The following DPP8 variants were observed in gnomAD, a reference collection of about 807,000 sequenced individuals.
The protein encoded by DPP8 is dipeptidyl peptidase 8, also known as DPP VIII.
DPP8 carries 31 observed loss-of-function variants against 107.5 expected under a neutral mutation model. The observed-to-expected ratio is 0.29, with a 90% CI of 0.22 to 0.39. DPP8 has a LOEUF of 0.39. Among genes scored for constraint, DPP8 ranks in the 10% least tolerant of loss-of-function variants. DPP8 has a pLI of 1.00. For missense variants in DPP8, 842 were observed against 1,076.1 expected, an observed-to-expected ratio of 0.78 and a Z score of 3.04; for synonymous variants, 381 against 356.6, an observed-to-expected ratio of 1.07 and a Z score of -0.77.
intron 19 of DPP8, among the ~76,000 whole-genome samples, chr15:65,448,865 A>AATATATATATATGTGT: frequency 1.9e-5 from 1 of 53,314 alleles, no homozygotes; most frequent in South Asian, 5.4e-4. Flanking sequence ...ATATATCTAA[A>AATATATATATATGTGT]ATATATATAT....
intron 5 of DPP8, among the ~76,000 whole-genome samples, chr15:65,494,425 A>G (rs2068368815): frequency 1.3e-5 from 2 of 151,720 alleles, no homozygotes; most frequent in African/African-American, 2.4e-5. Flanking sequence ...GTCTCCCTAC[A>G]TTGCCCAGGC....
intron 12 of DPP8, among the ~76,000 whole-genome samples, chr15:65,468,192 TCAAA>T (rs1444033381): frequency 2.0e-5 from 3 of 152,190 alleles, no homozygotes; most frequent in Non-Finnish European, 4.4e-5. Flanking sequence ...ACCAGCCAAC[TCAAA>T]CAATGTTTAA....
Position 65,500,715 on chromosome 15 carries a change from C to G in DPP8, c.437G>C (p.Gly146Ala). ...EELLRERKRI[G>A]TVGIASYDYH... ...ATCGTAAGAAGCAATTCCGACTGTT[C>G]CAATGCGTTTTCTTTCTCTTAATAG... is the stretch of plus-strand genomic sequence containing the variant. Residue 146 changes from glycine to alanine, a missense_variant, in exon 4 of 20, where the codon GGA becomes GCA. Physicochemically the swap from Gly to Ala is moderately conservative, Grantham distance 60 (BLOSUM62 0). This residue lies in a region of DPP8 where 663 missense variants were observed against 758.0 expected (regional missense o/e 0.87). Transcript: ENST00000300141. 1 of 1,613,880 alleles carries G rather than the reference C, an allele frequency of 6.2e-7. No homozygotes were observed. The highest frequency in any genetic ancestry group is 8.5e-7 in the Non-Finnish European group (1 of 1,179,834).
At chr15:65,481,798 T>A (rs1307794546) in intron 8 of DPP8, among the ~76,000 whole-genome samples, 183 bp from the exon 9 acceptor site, 1 of 152,084 alleles carries the variant, frequency 6.6e-6, no homozygotes, top group Non-Finnish European at 1.5e-5. Flanking sequence ...GGTACTTAAT[T>A]TCTGTGCCTA....
chr15:65,461,907 T>G (rs1212637127), intron 15 of DPP8, among the ~76,000 whole-genome samples: 1 of 149,588 alleles, frequency 6.7e-6, no homozygotes, highest in Non-Finnish European at 1.5e-5. Flanking sequence ...CCGACCGTTT[T>G]TTTTTTTTTA....
intron 5 of DPP8, among the ~76,000 whole-genome samples, chr15:65,496,564 TAATTA>T (rs1467187749): frequency 2.6e-5 from 4 of 152,232 alleles, no homozygotes; most frequent in Non-Finnish European, 5.9e-5. Flanking sequence ...CAATAAAACT[TAATTA>T]AATATTCCCA....
Position 65,443,834 on chromosome 15 carries a change from ATGAC to A in DPP8, c.*3046_*3049del, listed in dbSNP as rs1271197003. 1 of 152,222 alleles carries A rather than the reference ATGAC, an allele frequency of 6.6e-6. No individual in the cohort carries two copies. Among genetic ancestry groups the A allele is most frequent in the African/African-American group, 2.4e-5 (1 of 41,456 alleles). The allele number at this position is 152,222 out of a possible 1,614,324, so 9.4% of individuals were successfully genotyped here. A position where few individuals can be genotyped will look rare whatever the true frequency, so the allele number is the denominator to read the frequency against. ...AAGAGTTTCTTAAAGTAGTCCACAG[ATGAC>A]TTACTATAGGATCGCCTGGAAAGCT... On this transcript the variant is annotated 3_prime_UTR_variant, in exon 20 of 20. Transcript: ENST00000300141.
At chr15:65,472,596 G>A (rs972815623) in intron 12 of DPP8, among the ~76,000 whole-genome samples, 8 of 152,118 alleles carry the variant, frequency 5.3e-5, no homozygotes, top group Admixed American at 2.6e-4. Context: ...ACTGTGCCCA[G>A]CCAGTAAACG....
chr15:65,516,606 A>G (rs2071470264), intron 1 of DPP8: 1 of 152,226 alleles, frequency 6.6e-6, no homozygotes, highest in Non-Finnish European at 1.5e-5. Flanking sequence ...AGATGTCAAG[A>G]CACCTCATAG....
At chr15:65,501,902 T>A (rs1256038207) in intron 3 of DPP8, among the ~76,000 whole-genome samples, 1 of 152,210 alleles carries the variant, frequency 6.6e-6, no homozygotes, top group Non-Finnish European at 1.5e-5. Flanking sequence ...TTTCTTTCTT[T>A]CTTTGAGACA....
In DPP8 at chr15:65,497,992, G is replaced by C. The variant is rs1427366275; in HGVS notation, c.587C>G (p.Pro196Arg). The C allele has an allele frequency of 6.2e-7, 1 of 1,608,656 alleles. No homozygotes were observed. Among genetic ancestry groups the C allele is most frequent in the Non-Finnish European group, 8.5e-7 (1 of 1,176,824 alleles). Residue 196 changes from proline to arginine, a missense_variant, in exon 5 of 20, where the codon CCC becomes CGC. Physicochemically the swap from Pro to Arg is moderately radical, Grantham distance 103 (BLOSUM62 -2). Transcript: ENST00000300141. ...LRPNLVETSCPNIRMDPKLCP... is the reference protein window; with the variant it reads ...LRPNLVETSCRNIRMDPKLCP... ...TAATTTTGGATCCATCCGTATGTTG[G>C]GACAACTAGTTTCCACTAGATTGGG...
At chr15:65,507,434 C>T (rs1298973753) in intron 2 of DPP8, 79 bp from the exon 3 acceptor site, 19 of 826,606 alleles carry the variant, frequency 2.3e-5, no homozygotes, top group Non-Finnish European at 3.4e-5. Flanking sequence ...GTACATAATG[C>T]CTTCTATACA....
rs146649499 is a variant in DPP8, at chr15:65,442,790, C to T, written c.*4094G>A. The T allele has an allele frequency of 1.3e-5, 2 of 152,304 alleles. No individual in the cohort carries two copies. Among genetic ancestry groups the T allele is most frequent in the East Asian group, 3.9e-4 (2 of 5,194 alleles). 9.4% of individuals were successfully genotyped at this position (152,304 alleles called of 1,614,324 possible). On this transcript the variant is annotated 3_prime_UTR_variant, in exon 20 of 20. Transcript: ENST00000300141. ...ATCACCTAGAGCCCAGGACCTTGCA[C>T]TAACATCTCTATATTTGAGGCTGGA...
Position 65,442,621 on chromosome 15 carries a change from C to T in DPP8, c.*4263G>A, listed in dbSNP as rs2063337522. Reference sequence around the variant, plus strand: ...GCAATTCTTTTTATACAAGTCAATGCTTAAAACAGCAGGCACTTCATGTTC... The same window carrying T: ...GCAATTCTTTTTATACAAGTCAATGTTTAAAACAGCAGGCACTTCATGTTC... On this transcript the variant is annotated 3_prime_UTR_variant, in exon 20 of 20. Transcript: ENST00000300141. 2 of 152,192 alleles carry T rather than the reference C, an allele frequency of 1.3e-5. No individual in the cohort carries two copies. The highest frequency in any genetic ancestry group is 1.5e-5 in the Non-Finnish European group (1 of 68,024). The allele number at this position is 152,192 out of a possible 1,614,324, so 9.4% of individuals were successfully genotyped here. A position where few individuals can be genotyped will look rare whatever the true frequency, so the allele number is the denominator to read the frequency against.
chr15:65,516,023 TA>T (rs1347365523), intron 1 of DPP8: 2 of 402,668 alleles, frequency 5.0e-6, no homozygotes, highest in African/African-American at 4.1e-5. Context: ...TATCCTAACA[TA>T]GCAAACTTTG....
chr15:65,511,880 G>A, intron 2 of DPP8: 2 of 253,190 alleles, frequency 7.9e-6, no homozygotes, highest in Non-Finnish European at 8.1e-6. Flanking sequence ...TTTAACATAG[G>A]CAGACATTAA....
chr15:65,501,714 C>A (rs532587399), intron 3 of DPP8, among the ~76,000 whole-genome samples: 66 of 152,282 alleles, frequency 4.3e-4, no homozygotes, highest in African/African-American at 1.4e-3. Context: ...CATCACTGAT[C>A]TGAATAAAAC....
intron 2 of DPP8, among the ~76,000 whole-genome samples, chr15:65,509,670 T>G (rs894648454): frequency 7.2e-5 from 11 of 152,204 alleles, no homozygotes; most frequent in Admixed American, 3.3e-4. Flanking sequence ...TAGAGCTTCT[T>G]CTAAGCATAC....
rs1352118532 is a variant in DPP8, at chr15:65,474,258, A to T, written c.1487T>A (p.Ile496Lys). 1.2e-6 allele frequency: 2 copies of T among 1,612,368 alleles called. No homozygotes were observed. The highest frequency in any genetic ancestry group is 4.5e-5 in the East Asian group (2 of 44,888). Residue 496 changes from isoleucine (I) to lysine (K), a missense_variant, in exon 12 of 20, where the codon ATA (isoleucine) becomes AAA (lysine). This residue lies in a region of DPP8 where 663 missense variants were observed against 758.0 expected (regional missense o/e 0.87). Transcript: ENST00000300141. Reference protein sequence around the residue: ...SDFKCPIKEEIAITSGEWEVL... With the variant: ...SDFKCPIKEEKAITSGEWEVL... ...TTCCCATTCACCACTGGTAATTGCT[A>T]TCTCCTCTTTGATAGGACACTTGAA...
Sources: allele counts gnomAD v4.1 joint callset (sites outside exome capture counted in the v4.1 genomes callset), GRCh38; gene constraint gnomAD v4.1.1; regional missense constraint gnomAD v4.1.1; transcripts MANE v1.5; gene names NCBI Gene and HGNC (gene_info 2026-07-23, HGNC 2026-07-21).